Variants in AUTS2 observed in about 807,000 individuals in gnomAD.
AUTS2 encodes the protein autism susceptibility gene 2 protein.
Under a neutral mutation model 112.4 loss-of-function variants are expected in AUTS2, and 17 were observed. The observed-to-expected ratio is 0.15, with a 90% confidence interval of 0.10 to 0.23. The LOEUF is 0.23. Ranked by LOEUF, AUTS2 falls within the 10% of genes least tolerant of loss-of-function variation. The pLI, the probability that AUTS2 is intolerant of heterozygous loss-of-function variation, is 1.00. For synonymous variants in AUTS2, 751 were observed against 702.7 expected (o/e 1.07, Z -1.09); for missense variants, 1,510 against 1,701.6 (o/e 0.89, Z 1.98).
At chr7:70,191,449 G>A (rs551604133) in intron 4 of AUTS2, among the ~76,000 whole-genome samples, 36 of 152,134 alleles carry the variant, frequency 2.4e-4, no homozygotes, top group Admixed American at 3.9e-4. Context: ...GGGATTATAG[G>A]CGTGAGCCAC....
intron 1 of AUTS2, among the ~76,000 whole-genome samples, chr7:69,726,327 G>C (rs1197694330): frequency 2.6e-5 from 4 of 151,968 alleles, no homozygotes; most frequent in Admixed American, 2.0e-4. Context: ...GCCTTCTTCT[G>C]TTAACATAAT....
At chr7:70,064,175 C>T (rs543492878) in intron 2 of AUTS2, among the ~76,000 whole-genome samples, 1 of 152,264 alleles carries the variant, frequency 6.6e-6, no homozygotes, top group Non-Finnish European at 1.5e-5. Flanking sequence ...CTTGTCTGTC[C>T]TCTGTCAAGG....
chr7:70,270,038 C>CA (rs201240486), intron 4 of AUTS2, among the ~76,000 whole-genome samples: 35 of 150,690 alleles, frequency 2.3e-4, no homozygotes, highest in African/African-American at 6.1e-4. Context: ...GACCTTGTCT[C>CA]AAAAAAAACA....
Position 70,350,231 on chromosome 7 carries a change from T to C in AUTS2, c.661-85521T>C, listed in dbSNP as rs1011554899. Reference sequence around the variant, plus strand: ...GGTCCTTGAAGAGACCTATTTTTTTTTATGGTATGAATTTAAGATGTACAA... The same window carrying C: ...GGTCCTTGAAGAGACCTATTTTTTTCTATGGTATGAATTTAAGATGTACAA... On this transcript the variant is annotated intron_variant, in intron 4 of 18. Coordinates refer to ENST00000342771, the MANE Select transcript of AUTS2 (RefSeq NM_015570.4). Among the ~76,000 whole-genome samples, 11 of 152,324 alleles carry C rather than the reference T, an allele frequency of 7.2e-5. 1 individual carries two copies. The highest frequency in any genetic ancestry group is 6.8e-3 in the Middle Eastern group (2 of 294).
chr7:70,647,376 G>A (rs538529299), intron 5 of AUTS2, among the ~76,000 whole-genome samples: 2 of 152,326 alleles, frequency 1.3e-5, no homozygotes, highest in African/African-American at 4.8e-5. Context: ...AGCCCTGAAT[G>A]TGCCTGGACA....
chr7:70,573,325 C>A (rs1042886181), intron 5 of AUTS2, among the ~76,000 whole-genome samples: 2 of 152,296 alleles, frequency 1.3e-5, no homozygotes, highest in East Asian at 1.9e-4. Context: ...TTTACCTCGA[C>A]CTGTCTTTCT....
chr7:70,781,343 A>G (rs1168648013), intron 14 of AUTS2: 2 of 265,350 alleles, frequency 7.5e-6, no homozygotes, highest in Non-Finnish European at 1.4e-5. Context: ...CCTGGAAAGC[A>G]GAGTGAGGGA....
chr7:70,754,953 G>A (rs1012793843), intron 6 of AUTS2, among the ~76,000 whole-genome samples: 1 of 151,202 alleles, frequency 6.6e-6, no homozygotes, highest in Non-Finnish European at 1.5e-5. Flanking sequence ...ATATGAAGAT[G>A]TGAAGACCAG....
chr7:70,462,864 G>A (rs1238756990), intron 5 of AUTS2, among the ~76,000 whole-genome samples: 1 of 152,064 alleles, frequency 6.6e-6, no homozygotes, highest in Non-Finnish European at 1.5e-5. Flanking sequence ...GGCTGAGGCA[G>A]GGAGAATTGC....
At chr7:69,829,001 G>T (rs1051405695) in intron 1 of AUTS2, among the ~76,000 whole-genome samples, 5 of 152,086 alleles carry the variant, frequency 3.3e-5, no homozygotes, top group African/African-American at 1.2e-4. Flanking sequence ...ATACTACAAG[G>T]CTACAGTAAC....
chr7:70,691,920 G>A (rs1456551274), intron 5 of AUTS2, among the ~76,000 whole-genome samples: 1 of 134,964 alleles, frequency 7.4e-6, no homozygotes, highest in African/African-American at 2.8e-5. Flanking sequence ...CTGTTGTTTA[G>A]GCTGTAGTAC....
intron 2 of AUTS2, among the ~76,000 whole-genome samples, chr7:70,100,176 T>C (rs764464246): frequency 3.0e-4 from 46 of 152,234 alleles, no homozygotes; most frequent in Non-Finnish European, 6.3e-4. Context: ...TGAACCTCTT[T>C]ACTGGCTTCC....
intron 4 of AUTS2, among the ~76,000 whole-genome samples, chr7:70,241,265 A>T (rs1812598125): frequency 6.6e-6 from 1 of 152,228 alleles, no homozygotes; most frequent in Non-Finnish European, 1.5e-5. Context: ...ATAGGGTAAG[A>T]GTGTATAATG....
chr7:70,650,381 G>A lies in AUTS2; in HGVS notation c.691-48188G>A, dbSNP rs1806438017. Reference sequence around the variant, plus strand: ...CATGCAGTACCTGAACAAAACCTGGGTTCAGTGAACTTGAGGGCTCTTGCC... The same window carrying A: ...CATGCAGTACCTGAACAAAACCTGGATTCAGTGAACTTGAGGGCTCTTGCC... On this transcript the variant is annotated intron_variant, in intron 5 of 18. Transcript: ENST00000342771. Among the ~76,000 whole-genome samples the A allele has an allele frequency of 2.0e-5, 3 of 152,296 alleles. No individual in the cohort carries two copies. The South Asian group carries it at 6.2e-4, about 32-fold the overall frequency.
intron 2 of AUTS2, among the ~76,000 whole-genome samples, chr7:70,051,359 C>T (rs2129559309): frequency 6.6e-6 from 1 of 152,270 alleles, no homozygotes; most frequent in South Asian, 2.1e-4. Context: ...AATGAGAGAA[C>T]ATTAAGCCAC....
rs577063550 is a variant in AUTS2, at chr7:69,850,357, C to CT, written c.310-48928dup. 7.9e-4 allele frequency among the ~76,000 whole-genome samples: 105 copies of CT among 132,190 alleles called. No homozygotes were observed. The Middle Eastern group carries it at 0.014, about 17-fold the overall frequency. 86.7% of individuals were successfully genotyped at this position (132,190 alleles called of 152,430 possible). On this transcript the variant is annotated intron_variant, in intron 1 of 18. Transcript: ENST00000342771. Reference sequence around the variant, plus strand: ...GAGGTTGCAGTGAGCCCGGATCATGCTACTGCACTCCAGCCTGGGCAACAG... The same window carrying CT: ...GAGGTTGCAGTGAGCCCGGATCATGCTTACTGCACTCCAGCCTGGGCAACAG...
intron 6 of AUTS2, among the ~76,000 whole-genome samples, chr7:70,750,703 A>G (rs1297416269): frequency 6.6e-6 from 1 of 152,224 alleles, no homozygotes; most frequent in Non-Finnish European, 1.5e-5. Flanking sequence ...CACCCGTCCA[A>G]CAGATGGAAA....
intron 4 of AUTS2, among the ~76,000 whole-genome samples, chr7:70,342,522 C>G (rs1479420017): frequency 2.0e-5 from 3 of 152,080 alleles, no homozygotes; most frequent in Admixed American, 6.6e-5. Context: ...GTGTTCTGTA[C>G]CTGCACTGTC....
intron 2 of AUTS2, among the ~76,000 whole-genome samples, chr7:69,935,367 A>G (rs1310505727): frequency 6.6e-6 from 1 of 152,236 alleles, no homozygotes; most frequent in Non-Finnish European, 1.5e-5. Context: ...TACTGGCAAT[A>G]GGGAATCATC....
Sources: allele counts gnomAD v4.1 joint callset (sites outside exome capture counted in the v4.1 genomes callset), GRCh38; gene constraint gnomAD v4.1.1; transcripts MANE v1.5; gene names NCBI Gene and HGNC (gene_info 2026-07-23, HGNC 2026-07-21).